Variants in COL4A5 observed in about 807,000 individuals in gnomAD.
COL4A5 encodes the protein collagen alpha-5(IV) chain.
A neutral mutation model predicts 130.2 loss-of-function variants in COL4A5; 26 were observed. The ratio of observed to expected loss-of-function variants is 0.20; its 90% CI spans 0.15 to 0.28. The LOEUF is 0.28. Among genes scored for constraint, COL4A5 ranks in the 10% least tolerant of loss-of-function variants. COL4A5 has a pLI of 1.00. For synonymous variants in COL4A5, 496 were observed against 439.6 expected, an observed-to-expected ratio of 1.13 and a Z score of -1.60; for missense variants, 1,131 against 1,344.3, an observed-to-expected ratio of 0.84 and a Z score of 2.48.
chrX:108,538,650 T>A (rs1480951560), intron 1 of COL4A5, among the ~76,000 whole-genome samples: 1 of 111,685 alleles, frequency 9.0e-6, no homozygotes, highest in Non-Finnish European at 1.9e-5. Flanking sequence ...GCCCTCAAGA[T>A]TGATGGGCAT....
At chrX:108,452,981 T>C (rs1390904508) in intron 1 of COL4A5, among the ~76,000 whole-genome samples, 1 of 110,830 alleles carries the variant, frequency 9.0e-6, no homozygotes, top group Non-Finnish European at 1.9e-5. Context: ...ATAGCTCTTA[T>C]TATTTTGAGA....
At chrX:108,489,365 A>G (rs1245958320) in intron 1 of COL4A5, among the ~76,000 whole-genome samples, 2 of 111,255 alleles carry the variant, frequency 1.8e-5, no homozygotes, top group Non-Finnish European at 1.9e-5. Flanking sequence ...TTATTTATTT[A>G]TGTGTCTGCT....
intron 37 of COL4A5, among the ~76,000 whole-genome samples, chrX:108,665,290 A>G (rs1325354949): frequency 8.9e-6 from 1 of 112,136 alleles, no homozygotes; most frequent in East Asian, 2.8e-4. Flanking sequence ...GGTGGTAGTT[A>G]TTTTTATGTT....
chrX:108,500,019 A>G (rs1322409674), intron 1 of COL4A5, among the ~76,000 whole-genome samples: 2 of 111,980 alleles, frequency 1.8e-5, no homozygotes, highest in East Asian at 5.6e-4. Context: ...TTAACTTTGG[A>G]TGTTGGGAGT....
chrX:108,555,090 T>C (rs1388340632), intron 2 of COL4A5, among the ~76,000 whole-genome samples: 1 of 112,121 alleles, frequency 8.9e-6, no homozygotes, highest in Non-Finnish European at 1.9e-5. Flanking sequence ...AGTTAACCAG[T>C]TGACAATGTA....
chrX:108,650,987 A>G (rs1049971117), intron 36 of COL4A5, among the ~76,000 whole-genome samples: 33 of 111,768 alleles, frequency 3.0e-4, no homozygotes, highest in African/African-American at 1.1e-3. Context: ...CTGGAATATC[A>G]TTTGACAATT....
Position 108,586,648 on chromosome X carries a change from G to A in COL4A5, c.1066G>A (p.Gly356Arg). 2 of 1,206,571 alleles carry A rather than the reference G, an allele frequency of 1.7e-6. No individual in the cohort carries two copies. The highest frequency in any genetic ancestry group is 3.5e-5 in the South Asian group (2 of 56,841). The change falls in exon 19 of 53, where the codon GGA becomes AGA. Residue 356 changes from glycine (G) to arginine (R), a missense_variant. Physicochemically the swap from Gly to Arg is moderately radical, Grantham distance 125. Coordinates refer to ENST00000328300, the MANE Select transcript of COL4A5 (RefSeq NM_033380.3). ...IPRPGTGITI[G>R]EKGNIGLPGL... ...TAGACCTGGGACTGGTATAACTATA[G>A]GAGAAAAAGGAAACATTGGGTTGCC...
chrX:108,472,483 T>C (rs893397018), intron 1 of COL4A5, among the ~76,000 whole-genome samples: 1 of 111,919 alleles, frequency 8.9e-6, no homozygotes. Context: ...CTGTCAAGAT[T>C]TGCTTCCTAT....
chrX:108,475,530 T>C (rs183592800), intron 1 of COL4A5, among the ~76,000 whole-genome samples: 1 of 111,495 alleles, frequency 9.0e-6, no homozygotes, highest in Non-Finnish European at 1.9e-5. Context: ...CTATTATTAG[T>C]GGGAAGGCAT....
At chrX:108,540,698 A>AGGAGTGAG (rs1171448230) in intron 2 of COL4A5, among the ~76,000 whole-genome samples, 3 of 111,636 alleles carry the variant, frequency 2.7e-5, no homozygotes, top group African/African-American at 9.8e-5. Context: ...TGATCTGCCC[A>AGGAGTGAG]CCTTGGCAGG....
intron 29 of COL4A5, among the ~76,000 whole-genome samples, chrX:108,610,170 A>G (rs1345679219): frequency 1.8e-5 from 2 of 110,374 alleles, no homozygotes; most frequent in Non-Finnish European, 1.9e-5. Context: ...ATTTTGAGTT[A>G]TCTAATAATG....
At chrX:108,578,221 C>T in intron 12 of COL4A5, 70 bp from the exon 13 acceptor site, 2 of 1,118,213 alleles carry the variant, frequency 1.8e-6, no homozygotes, top group Non-Finnish European at 2.5e-6. Context: ...GTTATCTTAT[C>T]TTACATGTTA....
rs376023852 is a variant in COL4A5 at position 108,530,979 on chromosome X, A to G, written c.82-8767A>G. Among the ~76,000 whole-genome samples the G allele has an allele frequency of 1.8e-3, 182 of 99,677 alleles. 3 individuals are homozygous for G. Among genetic ancestry groups the G allele is most frequent in the East Asian group, 0.014 (41 of 3,020 alleles). The allele number at this position is 99,677 out of a possible 115,157, so 86.6% of individuals were successfully genotyped here. On this transcript the variant is annotated intron_variant, in intron 1 of 52. Coordinates refer to ENST00000328300, the MANE Select transcript of COL4A5 (RefSeq NM_033380.3). The stretch of plus-strand genomic sequence containing the variant: ...CAACCCAAATGTCCAACAATGATAG[A>G]CTGGATTAAGAAAATGTGGCACATA...
intron 2 of COL4A5, 92 bp from the exon 3 acceptor site, chrX:108,558,972 T>A (rs928085730): frequency 1.4e-6 from 1 of 711,091 alleles, no homozygotes; most frequent in Non-Finnish European, 2.3e-6. Context: ...GTTAGTTTTG[T>A]CTAGATAGTC....
intron 49 of COL4A5, among the ~76,000 whole-genome samples, chrX:108,689,096 T>G (rs1372373146): frequency 1.8e-5 from 2 of 111,744 alleles, no homozygotes; most frequent in Non-Finnish European, 3.8e-5. Context: ...TTTCTCCTTT[T>G]CAACTTTCCT....
In COL4A5 at chrX:108,601,733, G is replaced by A. The variant is rs1251875897; in HGVS notation, c.2042-152G>A. 1.9e-5 allele frequency: 9 copies of A among 473,481 alleles called. 1 individual carries two copies. Among genetic ancestry groups the A allele is most frequent in the African/African-American group, 4.9e-5 (2 of 40,599 alleles). The allele number at this position is 473,481 out of a possible 1,213,427, so 39.0% of individuals were successfully genotyped here. ...TTTAGTAGAGACGGAGTTTCTCCAC[G>A]TTGGCCAGGCTGGTCTCGAACTCCT... On this transcript the variant is annotated intron_variant, in intron 26 of 52. Coordinates refer to ENST00000328300, the MANE Select transcript of COL4A5 (RefSeq NM_033380.3).
intron 4 of COL4A5, among the ~76,000 whole-genome samples, chrX:108,565,559 C>T (rs1470187813): frequency 1.4e-4 from 16 of 112,127 alleles, no homozygotes; most frequent in Non-Finnish European, 2.8e-4. Context: ...GTTCAGTCCA[C>T]ATTGAGTTTT....
At chrX:108,667,396 T>C (rs374253298) in intron 40 of COL4A5, among the ~76,000 whole-genome samples, 30 of 111,123 alleles carry the variant, frequency 2.7e-4, no homozygotes, top group African/African-American at 7.8e-4. Context: ...GAAATTTACA[T>C]GTAGAGATCT....
At position 108,603,009 on chromosome X, in the gene COL4A5, G is replaced by A; in HGVS notation, c.2192G>A (p.Gly731Glu). 8.4e-7 allele frequency: 1 copy of A among 1,194,570 alleles called. No individual in the cohort carries two copies. The highest frequency in any genetic ancestry group is 1.8e-5 in the South Asian group (1 of 54,916). The change falls in exon 28 of 53, where the codon GGA (glycine) becomes GAA (glutamate). Residue 731 changes from glycine (G) to glutamate (E), a missense_variant. By Grantham distance (98) the Gly-to-Glu change is moderately conservative. Transcript: ENST00000328300. ...CCTCCAGGAGCACCTGGGACACCTG[G>A]AAGAATTGGTCTAGAAGGCCCTCCT... ...PGPPGAPGTPGRIGLEGPPGP... is the reference protein window; with the variant it reads ...PGPPGAPGTPERIGLEGPPGP...
Sources: gnomAD v4.1 joint callset for allele counts (sites outside exome capture counted in the v4.1 genomes callset) on GRCh38, gnomAD v4.1.1 for gene constraint, MANE v1.5 for transcripts, NCBI Gene and HGNC (gene_info 2026-07-23, HGNC 2026-07-21) for gene names.